Variants in NAV2 observed in about 807,000 individuals in gnomAD.
NAV2 encodes the protein helicase, APC down-regulated 1.
In NAV2, 54 loss-of-function variants were observed where a neutral mutation model predicts 223.2. That is an observed-to-expected ratio of 0.24 (90% CI 0.19 to 0.30). NAV2 has a LOEUF of 0.30. NAV2 is among the 10% of genes least tolerant of loss of function. The pLI, the probability that NAV2 is intolerant of heterozygous loss-of-function variation, is 1.00. For synonymous variants in NAV2, 1,279 were observed against 1,239.3 expected (o/e 1.03, Z -0.67); for missense variants, 2,806 against 3,147.5 (o/e 0.89, Z 2.60).
chr11:19,992,806 C>T (rs2051472468), intron 11 of NAV2, among the ~76,000 whole-genome samples: 1 of 152,088 alleles, frequency 6.6e-6, no homozygotes, highest in Non-Finnish European at 1.5e-5. Flanking sequence ...GTTGGCCAGG[C>T]TGGTCTTGAA....
intron 11 of NAV2, among the ~76,000 whole-genome samples, chr11:20,014,277 A>G (rs76942399): frequency 0.019 from 2,891 of 152,282 alleles, 46 homozygotes; most frequent in Non-Finnish European, 0.03. Flanking sequence ...CTGGACTCCC[A>G]TTGGAAAAAG....
intron 1 of NAV2, among the ~76,000 whole-genome samples, chr11:19,500,008 CCACACACACGCA>C (rs966210643): frequency 2.0e-5 from 3 of 151,138 alleles, no homozygotes; most frequent in African/African-American, 7.3e-5. Flanking sequence ...ACACACACAT[CCACACACACGCA>C]CACACACACC....
chr11:19,512,008 A>G (rs1348980904), intron 1 of NAV2, among the ~76,000 whole-genome samples: 1 of 152,080 alleles, frequency 6.6e-6, no homozygotes, highest in Non-Finnish European at 1.5e-5. Context: ...AATTCTGCAC[A>G]TTGCCCTCTG....
chr11:19,445,656 C>T (rs1590215975), intron 1 of NAV2, among the ~76,000 whole-genome samples: 1 of 152,090 alleles, frequency 6.6e-6, no homozygotes, highest in East Asian at 1.9e-4. Context: ...TAGGAAAAAG[C>T]AGAAAGTGTT....
At chr11:19,987,759 C>G (rs930026506) in intron 11 of NAV2, among the ~76,000 whole-genome samples, 8 of 152,214 alleles carry the variant, frequency 5.3e-5, no homozygotes, top group Admixed American at 2.6e-4. Context: ...TCTCTTGTCA[C>G]TCTTTAGGGT....
intron 10 of NAV2, among the ~76,000 whole-genome samples, chr11:19,979,587 C>T (rs1448547518): frequency 2.0e-5 from 3 of 152,328 alleles, no homozygotes; most frequent in Admixed American, 2.0e-4. Context: ...GACGCTTTCT[C>T]CCGTGTGTTC....
intron 1 of NAV2, among the ~76,000 whole-genome samples, chr11:19,409,784 T>A (rs1423352487): frequency 2.0e-5 from 3 of 152,024 alleles, no homozygotes; most frequent in Admixed American, 2.0e-4. Context: ...TCACAGAGGG[T>A]GGTTACTCAC....
intron 19 of NAV2, 87 bp from the exon 20 acceptor site, chr11:20,062,220 C>T (rs1182021310): frequency 2.2e-6 from 2 of 916,842 alleles, no homozygotes; most frequent in Non-Finnish European, 3.4e-6. Flanking sequence ...CTGGAGTGTC[C>T]TGTATTGCTG....
chr11:19,555,839 A>ACCCAGC (rs776233000), intron 1 of NAV2, among the ~76,000 whole-genome samples: 22 of 150,406 alleles, frequency 1.5e-4, no homozygotes, highest in East Asian at 1.4e-3. Flanking sequence ...CCTCGAGCCC[A>ACCCAGC]CCCAGCCCCA....
intron 4 of NAV2, among the ~76,000 whole-genome samples, chr11:19,874,536 G>A (rs950732630): frequency 6.6e-6 from 1 of 152,200 alleles, no homozygotes; most frequent in Non-Finnish European, 1.5e-5. Flanking sequence ...TTCTTGTGGG[G>A]CTTTGGGGTT....
intron 1 of NAV2, among the ~76,000 whole-genome samples, chr11:19,379,061 T>A (rs1255260439): frequency 6.6e-6 from 1 of 152,122 alleles, no homozygotes; most frequent in Non-Finnish European, 1.5e-5. Context: ...GGCAGAGAAG[T>A]TTCCTGGAAA....
chr11:19,413,214 A>T (rs1458096075), intron 1 of NAV2, among the ~76,000 whole-genome samples: 1 of 152,210 alleles, frequency 6.6e-6, no homozygotes, highest in Middle Eastern at 3.2e-3. Context: ...GAGAATAACC[A>T]GTTTAGAAAG....
intron 10 of NAV2, among the ~76,000 whole-genome samples, chr11:19,971,832 A>G (rs1166375936): frequency 1.8e-4 from 28 of 152,206 alleles, no homozygotes; most frequent in Admixed American, 1.8e-3. Context: ...CTTCCCAAGT[A>G]GCTGGGATTA....
At chr11:19,408,474 G>A (rs915859497) in intron 1 of NAV2, among the ~76,000 whole-genome samples, 1 of 152,178 alleles carries the variant, frequency 6.6e-6, no homozygotes, top group African/African-American at 2.4e-5. Flanking sequence ...TCTGCATCAA[G>A]GCAAAATGAA....
intron 1 of NAV2, chr11:19,714,375 A>G (rs1476501953): frequency 4.3e-6 from 2 of 470,358 alleles, no homozygotes; most frequent in South Asian, 3.1e-5. Flanking sequence ...CGGACAAGGA[A>G]TGATCTAAGG....
chr11:20,008,662 A>C (rs1275007139), intron 11 of NAV2, among the ~76,000 whole-genome samples: 1 of 152,092 alleles, frequency 6.6e-6, no homozygotes, highest in Non-Finnish European at 1.5e-5. Flanking sequence ...GACTAAATTT[A>C]GACTTGTGTA....
intron 1 of NAV2, among the ~76,000 whole-genome samples, chr11:19,377,157 G>T (rs1358082811): frequency 6.6e-6 from 1 of 152,152 alleles, no homozygotes; most frequent in Non-Finnish European, 1.5e-5. Flanking sequence ...AATATGAAAG[G>T]ATTAGATCTT....
intron 4 of NAV2, among the ~76,000 whole-genome samples, chr11:19,870,549 A>G (rs564224721): frequency 6.6e-4 from 101 of 151,922 alleles, no homozygotes; most frequent in Admixed American, 2.8e-3. Context: ...TCAGCCATCT[A>G]CCCATTGGCC....
At chr11:19,431,441 A>G (rs1038197117) in intron 1 of NAV2, among the ~76,000 whole-genome samples, 3 of 152,230 alleles carry the variant, frequency 2.0e-5, no homozygotes, top group Admixed American at 2.0e-4. Context: ...TGAGCACAGA[A>G]GCCACAAAAA....
Sources: allele counts gnomAD v4.1 joint callset (sites outside exome capture counted in the v4.1 genomes callset), GRCh38; gene constraint gnomAD v4.1.1; transcripts MANE v1.5; gene names NCBI Gene and HGNC (gene_info 2026-07-23, HGNC 2026-07-21).